The following GSE1 variants were observed in gnomAD, a reference collection of about 807,000 sequenced individuals.
The protein encoded by GSE1 is genetic suppressor element 1.
A neutral mutation model predicts 112.6 loss-of-function variants in GSE1; 32 were observed. The observed-to-expected ratio is 0.28, with a 90% confidence interval of 0.21 to 0.38. The LOEUF (loss-of-function observed/expected upper bound fraction) is 0.38. GSE1 is among the 10% of genes least tolerant of loss of function. The pLI is 1.00. For missense variants in GSE1, 2,348 were observed against 1,699.2 expected (o/e 1.38, Z -6.71); for synonymous variants, 1,115 against 735.6 (o/e 1.52, Z -8.35).
intron 2 of GSE1, among the ~76,000 whole-genome samples, chr16:85,482,757 C>T (rs1474613103): frequency 6.6e-6 from 1 of 152,200 alleles, no homozygotes; most frequent in South Asian, 2.1e-4. Context: ...GAGGGCGGAT[C>T]ACCTGAGGTC....
intron 2 of GSE1, among the ~76,000 whole-genome samples, chr16:85,383,771 C>G (rs1276921906): frequency 6.6e-6 from 1 of 152,146 alleles, no homozygotes; most frequent in Non-Finnish European, 1.5e-5. Flanking sequence ...TAAGAGGGGT[C>G]TACCGTTAAA....
intron 1 of GSE1, among the ~76,000 whole-genome samples, chr16:85,569,529 C>G (rs904146601): frequency 6.6e-6 from 1 of 152,200 alleles, no homozygotes; most frequent in Admixed American, 6.5e-5. Flanking sequence ...TTGTACATTT[C>G]AAGAGCTTAG....
intron 2 of GSE1, among the ~76,000 whole-genome samples, chr16:85,640,245 C>G (rs1191551109): frequency 6.6e-6 from 1 of 151,746 alleles, no homozygotes; most frequent in Non-Finnish European, 1.5e-5. Flanking sequence ...CCTGCCCACA[C>G]TTCGCTCCCT....
intron 1 of GSE1, among the ~76,000 whole-genome samples, chr16:85,262,630 C>T (rs575586613): frequency 4.2e-4 from 64 of 152,320 alleles, no homozygotes; most frequent in Middle Eastern, 3.4e-3. Flanking sequence ...ATCCCTAGAG[C>T]CTGAATTTGC....
chr16:85,570,813 C>T lies in GSE1; in HGVS notation c.37+14450C>T, dbSNP rs538109271. The stretch of plus-strand genomic sequence containing the variant: ...TGGAAAGTCTGTCACAGGATTCTCT[C>T]GAAGACCCTGCCGGACGCCGGAGGA... On this transcript the variant is annotated intron_variant, in intron 1 of 2. Transcript: ENST00000635906. Among the ~76,000 whole-genome samples, 5 of 152,300 alleles carry T rather than the reference C, an allele frequency of 3.3e-5. No homozygotes were observed. In the South Asian group the frequency reaches 1.0e-3, roughly 32 times the overall value.
intron 2 of GSE1, among the ~76,000 whole-genome samples, chr16:85,408,146 T>C (rs1387158834): frequency 4.7e-4 from 17 of 35,794 alleles, no homozygotes; most frequent in Middle Eastern, 0.019. Context: ...TAATCCTCAC[T>C]GTTACACTCA....
rs773249489 is a variant in GSE1, at chr16:85,663,046, C to T, written c.2326C>T (p.Arg776Cys). Reference sequence around the variant, plus strand: ...TGAGGAGGAGGTCAGGGCCCACCTCCGTTGCGTGGCCGAGCAGCCGCCCCT... The same window carrying T: ...TGAGGAGGAGGTCAGGGCCCACCTCTGTTGCGTGGCCGAGCAGCCGCCCCT... The part of the protein sequence containing the change: ...SDEEEVRAHL[R>C]CVAEQPPLKL... The change falls in exon 10 of 16, where the codon CGT becomes TGT. Residue 776 changes from arginine (R) to cysteine (C), a missense_variant. By Grantham distance (180) the Arg-to-Cys change is radical. Coordinates refer to ENST00000253458, the MANE Select transcript of GSE1 (RefSeq NM_014615.5). 2.7e-5 allele frequency: 43 copies of T among 1,613,102 alleles called. No homozygotes were observed. Among genetic ancestry groups the T allele is most frequent in the South Asian group, 3.3e-5 (3 of 91,086 alleles).
In GSE1 at chr16:85,433,623, G is replaced by A. The variant is rs1166799188; in HGVS notation, c.2464+75980G>A. On this transcript the variant is annotated intron_variant, in intron 2 of 2. Coordinates refer to the GSE1 transcript ENST00000637419. ...GGATGGATGGATGGATGGATGGATG[G>A]ATGGATGGAGAGATGATTGGGTGAA... is the stretch of plus-strand genomic sequence containing the variant. 2.6e-5 allele frequency among the ~76,000 whole-genome samples: 4 copies of A among 151,030 alleles called. No individual in the cohort carries two copies. In the South Asian group the frequency reaches 6.3e-4, roughly 24 times the overall value.
intron 3 of GSE1, among the ~76,000 whole-genome samples, chr16:85,652,719 C>T (rs1456627126): frequency 6.6e-6 from 1 of 152,156 alleles, no homozygotes; most frequent in Non-Finnish European, 1.5e-5. Flanking sequence ...GGAAGAGGGG[C>T]TGGCGGGTCA....
exon 1 of GSE1, chr16:85,170,955 G>A: frequency 1.0e-6 from 1 of 985,490 alleles, no homozygotes; most frequent in Non-Finnish European, 1.2e-6. Context: ...CCGGGGCCCT[G>A]CGAGAGGCCT....
Position 85,170,193 on chromosome 16 carries a change from G to C in GSE1, c.669G>C (p.Gln223His), listed in dbSNP as rs868450328. 3.1e-5 allele frequency: 31 copies of C among 985,354 alleles called. No individual in the cohort carries two copies. In the Admixed American group the frequency reaches 1.7e-3, roughly 55 times the overall value. The allele number at this position is 985,354 out of a possible 1,614,324, so 61.0% of individuals were successfully genotyped here. A position where few individuals can be genotyped will look rare whatever the true frequency, so the allele number is the denominator to read the frequency against. The change falls in exon 1 of 3, where the codon CAG becomes CAC. Residue 223 changes from glutamine to histidine, a missense_variant. By Grantham distance (24) the Gln-to-His change is conservative. Transcript: ENST00000637419. ...CGGCTCCGGGACCCGCTCCGGGACA[G>C]GGCGCAGAGGCCTCGGCGCAGGGGC... is the stretch of plus-strand genomic sequence containing the variant.
intron 1 of GSE1, among the ~76,000 whole-genome samples, chr16:85,205,430 C>T (rs2075099005): frequency 6.6e-6 from 1 of 152,236 alleles, no homozygotes; most frequent in South Asian, 2.1e-4. Flanking sequence ...CCGCGCCCAG[C>T]CTTGTCTCTG....
intron 1 of GSE1, among the ~76,000 whole-genome samples, chr16:85,344,945 C>T (rs1034332420): frequency 6.6e-6 from 1 of 152,242 alleles, no homozygotes; most frequent in East Asian, 1.9e-4. Context: ...CTGCTCTGCC[C>T]TCACCGTGGC....
chr16:85,620,079 T>C (rs1005097443), intron 1 of GSE1, among the ~76,000 whole-genome samples: 1 of 152,036 alleles, frequency 6.6e-6, no homozygotes, highest in Non-Finnish European at 1.5e-5. Context: ...GTGGATTGCT[T>C]GAGCTCTGCA....
intron 13 of GSE1, among the ~76,000 whole-genome samples, chr16:85,667,806 C>T (rs117039523): frequency 0.02 from 3,057 of 152,174 alleles, 42 homozygotes; most frequent in South Asian, 0.063. Flanking sequence ...TGCAGTGAGC[C>T]GAGATCACGC....
upstream of GSE1, chr16:85,555,033 C>T: frequency 2.0e-6 from 2 of 985,292 alleles, no homozygotes; most frequent in Non-Finnish European, 2.4e-6. Flanking sequence ...GGGGGAAGCT[C>T]GCAAGTGAAA....
intron 1 of GSE1, among the ~76,000 whole-genome samples, chr16:85,176,399 A>T (rs2074465512): frequency 6.6e-6 from 1 of 152,152 alleles, no homozygotes; most frequent in African/African-American, 2.4e-5. Context: ...AGGCCCTGAG[A>T]CGCCCCACTT....
chr16:85,290,160 C>G (rs1336771149), intron 1 of GSE1, among the ~76,000 whole-genome samples: 1 of 152,138 alleles, frequency 6.6e-6, no homozygotes, highest in East Asian at 1.9e-4. Flanking sequence ...AGTCACTTCC[C>G]TGCGTGGGAA....
chr16:85,608,410 G>A (rs568558233), upstream of GSE1, among the ~76,000 whole-genome samples: 1 of 152,262 alleles, frequency 6.6e-6, no homozygotes, highest in African/African-American at 2.4e-5. Flanking sequence ...TGAATCCCAG[G>A]GTGCTCAGCT....
Sources: allele counts gnomAD v4.1 joint callset (sites outside exome capture counted in the v4.1 genomes callset), GRCh38; gene constraint gnomAD v4.1.1; transcripts MANE v1.5; gene names NCBI Gene and HGNC (gene_info 2026-07-23, HGNC 2026-07-21).